Variants in MGST2 observed in about 807,000 individuals in gnomAD.
MGST2 encodes microsomal glutathione S-transferase 2, also known as glutathione peroxidase MGST2.
In MGST2, 9 loss-of-function variants were observed where a neutral mutation model predicts 16.6. The ratio of observed to expected loss-of-function variants is 0.54; its 90% CI spans 0.33 to 0.95. MGST2 has a LOEUF of 0.95. Ranked by LOEUF, MGST2 falls within the 40% of genes least tolerant of loss-of-function variation. The pLI is 0.03. For synonymous variants in MGST2, 79 were observed against 68.0 expected, an observed-to-expected ratio of 1.16 and a Z score of -0.79; for missense variants, 159 against 175.1, an observed-to-expected ratio of 0.91 and a Z score of 0.52.
downstream of MGST2, among the ~76,000 whole-genome samples, chr4:139,744,407 C>A (rs1729258749): frequency 6.6e-6 from 1 of 152,134 alleles, no homozygotes. Context: ...ATATGATATA[C>A]CACCCCCCAG....
the MGST2 span, among the ~76,000 whole-genome samples, chr4:139,752,830 T>G: frequency 1.3e-5 from 2 of 152,162 alleles, no homozygotes; most frequent in Admixed American, 6.5e-5. Flanking sequence ...CCCTCTACAT[T>G]GATAACCATA....
At chr4:139,669,995 G>T (rs1357692878) in intron 1 of MGST2, among the ~76,000 whole-genome samples, 1 of 152,178 alleles carries the variant, frequency 6.6e-6, no homozygotes, top group East Asian at 1.9e-4. Flanking sequence ...AGTTCGTCCA[G>T]GTGTGTGCAT....
At chr4:139,729,156 CAAAAAAAA>C (rs4057275) in intron 5 of MGST2, among the ~76,000 whole-genome samples, 1 of 81,704 alleles carries the variant, frequency 1.2e-5, no homozygotes, top group Non-Finnish European at 2.3e-5. Context: ...GGAACAAAAG[CAAAAAAAA>C]AAAAAAAAAA....
At chr4:139,680,289 T>G (rs550322628) in intron 2 of MGST2, among the ~76,000 whole-genome samples, 1 of 152,356 alleles carries the variant, frequency 6.6e-6, no homozygotes, top group African/African-American at 2.4e-5. Context: ...ATACTGTGGT[T>G]ACATTTCCTT....
At chr4:139,669,757 T>A (rs1161411182) in intron 1 of MGST2, among the ~76,000 whole-genome samples, 2 of 152,238 alleles carry the variant, frequency 1.3e-5, no homozygotes, top group Non-Finnish European at 2.9e-5. Flanking sequence ...TGTGACAATT[T>A]ATTTTAATAT....
chr4:139,683,767 CAA>C (rs1479805633), intron 2 of MGST2, among the ~76,000 whole-genome samples: 3 of 151,966 alleles, frequency 2.0e-5, no homozygotes, highest in Admixed American at 6.6e-5. Flanking sequence ...ATTTACAAAA[CAA>C]AGAGGTTTAA....
At chr4:139,740,356 C>T (rs1729119135) in exon 6 of MGST2, 1 of 152,218 alleles carries the variant, frequency 6.6e-6, no homozygotes, top group Admixed American at 6.5e-5. Flanking sequence ...AAACCTGCAC[C>T]ACTGAGACGA....
downstream of MGST2, among the ~76,000 whole-genome samples, chr4:139,708,428 T>G (rs909489520): frequency 1.3e-5 from 2 of 151,516 alleles, no homozygotes; most frequent in African/African-American, 4.8e-5. Flanking sequence ...CTATATCTCT[T>G]TTTTGGTACC....
chr4:139,723,168 A>T (rs1057270682), intron 5 of MGST2, among the ~76,000 whole-genome samples: 3 of 152,206 alleles, frequency 2.0e-5, no homozygotes, highest in Non-Finnish European at 4.4e-5. Context: ...AGGATCTGTT[A>T]AGTGGAAAAG....
chr4:139,747,460 G>A, the MGST2 span, among the ~76,000 whole-genome samples: 12 of 152,106 alleles, frequency 7.9e-5, no homozygotes, highest in Admixed American at 4.6e-4. Context: ...TTGGGAGGCC[G>A]AGGCAGGTGG....
rs1232812579 is a variant in MGST2 at position 139,735,560 on chromosome 4, G to A, written c.*49-4652G>A. ...CCCCAGCTGCACAAAGCCGGCCCGGGGAGGGGGCGATAAGGAGCGAGCCTC... is the reference window on the plus strand; with the variant it reads ...CCCCAGCTGCACAAAGCCGGCCCGGAGAGGGGGCGATAAGGAGCGAGCCTC... On this transcript the variant is annotated intron_variant, in intron 5 of 5. Transcript: ENST00000616265. The surrounding 1 kb of genome is among the most constrained non-coding windows in gnomAD (Gnocchi z 5.8). Among the ~76,000 whole-genome samples the A allele has an allele frequency of 6.6e-6, 1 of 152,166 alleles. No individual in the cohort carries two copies. The highest frequency in any genetic ancestry group is 1.5e-5 in the Non-Finnish European group (1 of 68,024).
intron 5 of MGST2, among the ~76,000 whole-genome samples, chr4:139,709,431 G>A (rs1727656680): frequency 6.6e-6 from 1 of 152,094 alleles, no homozygotes; most frequent in Non-Finnish European, 1.5e-5. Context: ...TGATATTAGG[G>A]AATTAATGTT....
downstream of MGST2, among the ~76,000 whole-genome samples, chr4:139,745,147 GGA>G (rs972816475): frequency 3.3e-5 from 5 of 152,174 alleles, no homozygotes; most frequent in Admixed American, 2.0e-4. Context: ...AAGGAAGGAA[GGA>G]GAGCGGCCAC....
chr4:139,748,763 A>AACT, the MGST2 span, among the ~76,000 whole-genome samples: 59 of 151,484 alleles, frequency 3.9e-4, no homozygotes, highest in African/African-American at 1.4e-3. Context: ...AGCAATTTCA[A>AACT]GCTCCGAGGT....
rs1219407118 is a variant in MGST2 at position 139,693,484 on chromosome 4, T to C, written c.159-1713T>C. On this transcript the variant is annotated intron_variant, in intron 2 of 4. Coordinates refer to ENST00000265498, the MANE Select transcript of MGST2 (RefSeq NM_002413.5). ...TCCTCTGCTACTACTACATTTTACC[T>C]CGTGGGAAACAGGCCTATGGATTTA... 2.0e-5 allele frequency among the ~76,000 whole-genome samples: 3 copies of C among 151,688 alleles called. No individual in the cohort carries two copies. The South Asian group carries it at 6.3e-4, about 32-fold the overall frequency.
chr4:139,753,712 T>A, the MGST2 span, among the ~76,000 whole-genome samples: 1 of 152,232 alleles, frequency 6.6e-6, no homozygotes, highest in African/African-American at 2.4e-5. Flanking sequence ...GTCAAATAGA[T>A]GTTAAACTAT....
At chr4:139,695,357 C>G (rs769788357) in intron 3 of MGST2, 90 bp downstream of exon 3, 7 of 1,105,916 alleles carry the variant, frequency 6.3e-6, no homozygotes, top group African/African-American at 4.6e-5. Flanking sequence ...CACGGTGGCT[C>G]ACACCTATAT....
chr4:139,747,944 C>T, the MGST2 span, among the ~76,000 whole-genome samples: 2 of 149,332 alleles, frequency 1.3e-5, no homozygotes, highest in East Asian at 4.0e-4. Context: ...ATCCCAGCTA[C>T]TTGGGAGGCT....
chr4:139,720,270 G>C lies in MGST2; in HGVS notation c.*48+16074G>C, dbSNP rs768618685. On this transcript the variant is annotated intron_variant, in intron 5 of 5. Transcript: ENST00000616265. Reference sequence around the variant, plus strand: ...TTCTGTGCCATCAGCCGTGACGTTCGCATGCTCTGGAGGGCTGCTTGGCTT... The same window carrying C: ...TTCTGTGCCATCAGCCGTGACGTTCCCATGCTCTGGAGGGCTGCTTGGCTT... The C allele has an allele frequency of 9.5e-6, 15 of 1,585,548 alleles. No homozygotes were observed. The South Asian group carries it at 1.6e-4, about 17-fold the overall frequency.
Sources: gnomAD v4.1 joint callset for allele counts (sites outside exome capture counted in the v4.1 genomes callset) on GRCh38, gnomAD v4.1.1 for gene constraint, Gnocchi (gnomAD v3.1) non-coding constraint, MANE v1.5 for transcripts, NCBI Gene and HGNC (gene_info 2026-07-23, HGNC 2026-07-21) for gene names.